Variants in DUSP13B observed in about 807,000 individuals in gnomAD.
The protein encoded by DUSP13B is dual specificity protein phosphatase 13B.
chr10:75,096,520 T>G, the DUSP13B span, among the ~76,000 whole-genome samples: 11 of 146,170 alleles, frequency 7.5e-5, no homozygotes, highest in Non-Finnish European at 1.0e-4. Context: ...GAGGCTGCAG[T>G]GAGTGGAGAT....
the DUSP13B span, chr10:75,097,910 G>A: frequency 6.5e-7 from 1 of 1,542,024 alleles, no homozygotes; most frequent in Non-Finnish European, 8.8e-7. Flanking sequence ...ACACCGCAGT[G>A]GCTGGAGGCA....
the DUSP13B span, chr10:75,099,448 C>T: frequency 2.8e-5 from 34 of 1,232,510 alleles, no homozygotes; most frequent in East Asian, 3.8e-4. Context: ...GGCCTGGGGC[C>T]GGGAATGGGG....
the DUSP13B span, among the ~76,000 whole-genome samples, chr10:75,101,423 G>A: frequency 2.0e-5 from 3 of 152,086 alleles, no homozygotes; most frequent in Non-Finnish European, 1.5e-5. Flanking sequence ...ACTTCCCTAC[G>A]GGACAGTGAG....
chr10:75,097,990 G>T, the DUSP13B span: 1 of 1,009,304 alleles, frequency 9.9e-7, no homozygotes, highest in East Asian at 2.8e-5. Flanking sequence ...CGGGGATGCT[G>T]CAGGAAGGGC....
chr10:75,105,080 C>G, the DUSP13B span, among the ~76,000 whole-genome samples: 1 of 152,166 alleles, frequency 6.6e-6, no homozygotes, highest in Non-Finnish European at 1.5e-5. Context: ...GTAGAGGAAG[C>G]AGAGGTGGAG....
At chr10:75,105,306 G>A in the DUSP13B span, among the ~76,000 whole-genome samples, 1 of 152,200 alleles carries the variant, frequency 6.6e-6, no homozygotes. Flanking sequence ...AGGCAGGGCA[G>A]GTTGGCCCCA....
chr10:75,106,101 C>CTTTTTTTTTTTTTT, the DUSP13B span, among the ~76,000 whole-genome samples: 7 of 123,008 alleles, frequency 5.7e-5, no homozygotes, highest in Non-Finnish European at 6.9e-5. Flanking sequence ...TCTTTCTTTT[C>CTTTTTTTTTTTTTT]TTTTTTTTTT....
At chr10:75,104,000 T>G in the DUSP13B span, 1 of 1,356,082 alleles carries the variant, frequency 7.4e-7, no homozygotes, top group Non-Finnish European at 9.8e-7. Flanking sequence ...CACCATCTTC[T>G]GTGTGTCCGC....
At chr10:75,095,484 CT>C in the DUSP13B span, 1 of 1,218,118 alleles carries the variant, frequency 8.2e-7, no homozygotes, top group East Asian at 2.4e-5. Context: ...GGGTTTGTCT[CT>C]CTGGACTCCC....
At chr10:75,096,403 C>A in the DUSP13B span, among the ~76,000 whole-genome samples, 5 of 152,012 alleles carry the variant, frequency 3.3e-5, no homozygotes, top group Non-Finnish European at 7.4e-5. Flanking sequence ...ATGGCAAAAC[C>A]TTATCTCTAC....
the DUSP13B span, among the ~76,000 whole-genome samples, chr10:75,101,522 T>C: frequency 1.3e-5 from 2 of 152,232 alleles, no homozygotes; most frequent in Non-Finnish European, 2.9e-5. Flanking sequence ...ATGTACTATG[T>C]GCCAGACAGA....
the DUSP13B span, among the ~76,000 whole-genome samples, chr10:75,098,401 G>A: frequency 6.6e-6 from 1 of 152,200 alleles, no homozygotes; most frequent in South Asian, 2.1e-4. Context: ...CTCCAGGTAA[G>A]AGGCCAGGAC....
At chr10:75,094,750 A>G in the DUSP13B span, 2 of 1,614,186 alleles carry the variant, frequency 1.2e-6, no homozygotes, top group East Asian at 4.5e-5. Flanking sequence ...GAGTTAGGGC[A>G]GATATTGCGG....
chr10:75,099,575 G>GC, the DUSP13B span: 2 of 1,231,248 alleles, frequency 1.6e-6, no homozygotes, highest in East Asian at 6.3e-5. Flanking sequence ...CGCCCATGGG[G>GC]GGTGGGGCCT....
chr10:75,100,472 C>T, the DUSP13B span, among the ~76,000 whole-genome samples: 1 of 152,158 alleles, frequency 6.6e-6, no homozygotes, highest in African/African-American at 2.4e-5. Flanking sequence ...GAGGGGAAGT[C>T]GGTGGTTGTG....
the DUSP13B span, chr10:75,102,086 T>C: frequency 0.036 from 21,909 of 601,074 alleles, 634 homozygotes; most frequent in African/African-American, 0.1. Flanking sequence ...GTCAGGCACC[T>C]TTCCCTCCAG....
chr10:75,106,673 C>T, the DUSP13B span, among the ~76,000 whole-genome samples: 4 of 152,350 alleles, frequency 2.6e-5, no homozygotes, highest in South Asian at 2.1e-4. Context: ...CTATACTATT[C>T]GCAATTTGGC....
chr10:75,107,626 G>C, the DUSP13B span, among the ~76,000 whole-genome samples: 1 of 152,120 alleles, frequency 6.6e-6, no homozygotes, highest in Non-Finnish European at 1.5e-5. Flanking sequence ...GCCCAGGCTA[G>C]AGTGAAGTGG....
chr10:75,108,251 G>A, the DUSP13B span: 1 of 1,548,540 alleles, frequency 6.5e-7, no homozygotes, highest in Admixed American at 1.9e-5. Flanking sequence ...GCCAAGCCAT[G>A]GGACCAGGAG....
Sources: allele counts gnomAD v4.1 joint callset (sites outside exome capture counted in the v4.1 genomes callset), GRCh38; gene constraint gnomAD v4.1.1; transcripts MANE v1.5; gene names NCBI Gene and HGNC (gene_info 2026-07-23, HGNC 2026-07-21).